Variants in ZMYM4 observed in about 807,000 individuals in gnomAD.
The protein encoded by ZMYM4 is zinc finger MYM-type protein 4.
Under a neutral mutation model 183.2 loss-of-function variants are expected in ZMYM4, and 31 were observed. That is an observed-to-expected ratio of 0.17 (90% CI 0.13 to 0.23). The LOEUF (loss-of-function observed/expected upper bound fraction) is 0.23, where lower values mean the gene tolerates loss of function less well. Ranked by LOEUF, ZMYM4 falls within the 10% of genes least tolerant of loss-of-function variation. The probability of loss-of-function intolerance (pLI) is 1.00; values close to 1 mark genes in which losing one functional copy is unlikely to be tolerated. For missense variants in ZMYM4, 1,273 were observed against 1,840.3 expected, an observed-to-expected ratio of 0.69 and a Z score of 5.64; for synonymous variants, 592 against 631.2, an observed-to-expected ratio of 0.94 and a Z score of 0.93.
At chr1:35,293,167 AT>A (rs968963130) in intron 1 of ZMYM4, among the ~76,000 whole-genome samples, 2 of 150,624 alleles carry the variant, frequency 1.3e-5, no homozygotes, top group African/African-American at 4.9e-5. Flanking sequence ...TGCTCGGCTA[AT>A]TTTTTTTTCT....
At chr1:35,340,446 A>G (rs1479306636) in intron 2 of ZMYM4, among the ~76,000 whole-genome samples, 1 of 151,938 alleles carries the variant, frequency 6.6e-6, no homozygotes, top group Non-Finnish European at 1.5e-5. Context: ...TGTGATATAT[A>G]ATGAAAATAA....
intron 1 of ZMYM4, among the ~76,000 whole-genome samples, chr1:35,301,267 C>G (rs908201414): frequency 6.6e-6 from 1 of 152,104 alleles, no homozygotes; most frequent in Non-Finnish European, 1.5e-5. Context: ...TCCTTCTGGG[C>G]TGAGTGTGGT....
chr1:35,305,661 A>G, intron 1 of ZMYM4, among the ~76,000 whole-genome samples: 1 of 151,956 alleles, frequency 6.6e-6, no homozygotes, highest in East Asian at 1.9e-4. Flanking sequence ...CTCCCATCTC[A>G]GCCTCCCAAG....
At chr1:35,403,575 C>T (rs1399160419) in intron 23 of ZMYM4, among the ~76,000 whole-genome samples, 1 of 152,050 alleles carries the variant, frequency 6.6e-6, no homozygotes, top group Non-Finnish European at 1.5e-5. Context: ...TGTGAGCTGC[C>T]ATGGCTGGCC....
intron 1 of ZMYM4, among the ~76,000 whole-genome samples, chr1:35,275,129 TG>T (rs1639806901): frequency 1.3e-5 from 2 of 152,246 alleles, no homozygotes; most frequent in South Asian, 4.1e-4. Context: ...TCTTAAAATA[TG>T]TATTCACAGC....
In ZMYM4 at chr1:35,381,294, A is replaced by G. The variant is rs1215701109; in HGVS notation, c.1217A>G (p.Gln406Arg). Residue 406 changes from glutamine to arginine, a missense_variant, in exon 8 of 30, where the codon CAG becomes CGG. Gln to Arg is a conservative substitution (Grantham distance 43). This residue lies in a region of ZMYM4 where 319 missense variants were observed against 518.1 expected (regional missense o/e 0.62). Coordinates refer to ENST00000314607, the MANE Select transcript of ZMYM4 (RefSeq NM_005095.3). ...ILNPKDVISA[Q>R]FENTTTSKDF... is the part of the protein sequence containing the mutation. The stretch of plus-strand genomic sequence containing the variant: ...AATCCAAAGGATGTGATCAGTGCCC[A>G]GTTTGAAAACACCACCACTAGTAAA... The G allele has an allele frequency of 6.2e-7, 1 of 1,611,280 alleles. No homozygotes were observed. The highest frequency in any genetic ancestry group is 8.5e-7 in the Non-Finnish European group (1 of 1,178,742).
intron 18 of ZMYM4, among the ~76,000 whole-genome samples, chr1:35,394,896 T>C (rs1333229101): frequency 6.6e-6 from 1 of 152,146 alleles, no homozygotes. Flanking sequence ...GGAGGATCAC[T>C]TGAGCCCAAG....
chr1:35,296,945 G>T (rs1291082729), intron 1 of ZMYM4, among the ~76,000 whole-genome samples: 3 of 148,232 alleles, frequency 2.0e-5, no homozygotes, highest in Non-Finnish European at 4.4e-5. Flanking sequence ...CATCTCCCGG[G>T]TTTAGGCGAT....
intron 15 of ZMYM4, among the ~76,000 whole-genome samples, chr1:35,391,277 C>T (rs1466310242): frequency 2.0e-5 from 3 of 152,236 alleles, no homozygotes; most frequent in African/African-American, 4.8e-5. Flanking sequence ...AGAATGTAGC[C>T]GTGCTCCTGG....
rs187675002 is a variant in ZMYM4 at position 35,319,588 on chromosome 1, A to G, written c.40-5772A>G. Among the ~76,000 whole-genome samples, 1,133 of 152,306 alleles carry G rather than the reference A, an allele frequency of 7.4e-3. 14 individuals carry two copies. Among genetic ancestry groups the G allele is most frequent in the Non-Finnish European group, 0.013 (870 of 68,022 alleles). ...CAGTGAGCCATGATCATGTTACTGCATTCCAGCCTGGGCAACAGAGCAAGA... is the reference window on the plus strand; with the variant it reads ...CAGTGAGCCATGATCATGTTACTGCGTTCCAGCCTGGGCAACAGAGCAAGA... On this transcript the variant is annotated intron_variant, in intron 1 of 29. Coordinates refer to ENST00000314607, the MANE Select transcript of ZMYM4 (RefSeq NM_005095.3).
intron 15 of ZMYM4, among the ~76,000 whole-genome samples, chr1:35,392,000 C>T (rs1644715409): frequency 6.6e-6 from 1 of 151,920 alleles, no homozygotes; most frequent in African/African-American, 2.4e-5. Context: ...GATATCGTGC[C>T]ACTGCACTCC....
chr1:35,380,589 G>A (rs1644435349), intron 7 of ZMYM4, among the ~76,000 whole-genome samples: 1 of 152,142 alleles, frequency 6.6e-6, no homozygotes, highest in Admixed American at 6.5e-5. Flanking sequence ...GCCTCCCAAA[G>A]CGTTGGGATT....
At chr1:35,387,680 C>T in intron 13 of ZMYM4, 76 bp downstream of exon 13, 1 of 1,455,206 alleles carries the variant, frequency 6.9e-7, no homozygotes, top group Non-Finnish European at 9.3e-7. Context: ...TAAGCTTTCA[C>T]TGTCTAAGTT....
chr1:35,268,939 G>A lies in ZMYM4; in HGVS notation c.-108G>A, dbSNP rs1639443078. On this transcript the variant is annotated 5_prime_UTR_variant, in exon 1 of 30. Transcript: ENST00000314607. ...GGCGCAAGGCCCGGCCGGGTCCGGG[G>A]AAGCTGCCGCGAGGCGGCCGTGCCT... The A allele has an allele frequency of 7.9e-7, 1 of 1,263,016 alleles. No homozygotes were observed. The highest frequency in any genetic ancestry group is 1.0e-6 in the Non-Finnish European group (1 of 987,694). 78.2% of individuals were successfully genotyped at this position (1,263,016 alleles called of 1,614,324 possible). A position where few individuals can be genotyped will look rare whatever the true frequency, so the allele number is the denominator to read the frequency against.
intron 2 of ZMYM4, among the ~76,000 whole-genome samples, chr1:35,355,740 C>A (rs1004945072): frequency 6.6e-6 from 1 of 151,882 alleles, no homozygotes; most frequent in South Asian, 2.1e-4. Flanking sequence ...CTTGTCTCTG[C>A]GACTCAAAAA....
chr1:35,281,567 T>G (rs1332380277), intron 1 of ZMYM4, among the ~76,000 whole-genome samples: 1 of 151,882 alleles, frequency 6.6e-6, no homozygotes, highest in African/African-American at 2.4e-5. Context: ...ATTCAGTCAT[T>G]CCACACCGTA....
rs1644666915 is a variant in ZMYM4, at chr1:35,389,855, T to C, written c.2437-93T>C. 1.5e-6 allele frequency: 2 copies of C among 1,344,114 alleles called. No individual in the cohort carries two copies. The highest frequency in any genetic ancestry group is 2.4e-5 in the East Asian group (1 of 41,220). The allele number at this position is 1,344,114 out of a possible 1,614,324, so 83.3% of individuals were successfully genotyped here. A position where few individuals can be genotyped will look rare whatever the true frequency, so the allele number is the denominator to read the frequency against. ...CTAATTTTTTGATCTAAATTCTAAG[T>C]TAATTTCGTCACTTGTTATGTGTGT... On this transcript the variant is annotated intron_variant, in intron 14 of 29. Coordinates refer to ENST00000314607, the MANE Select transcript of ZMYM4 (RefSeq NM_005095.3). This position sits in a 1 kb window ranked among gnomAD's most constrained non-coding sequence, Gnocchi z 4.0.
chr1:35,281,686 A>G (rs1640171058), intron 1 of ZMYM4, among the ~76,000 whole-genome samples: 1 of 151,374 alleles, frequency 6.6e-6, no homozygotes, highest in Non-Finnish European at 1.5e-5. Flanking sequence ...ATATAATATA[A>G]CATTTACCAT....
intron 20 of ZMYM4, 86 bp from the exon 21 acceptor site, chr1:35,398,327 A>T: frequency 8.9e-7 from 1 of 1,122,564 alleles, no homozygotes; most frequent in Non-Finnish European, 1.3e-6. Context: ...TTGTAGTATG[A>T]TTGATGTATA....
Sources: gnomAD v4.1 joint callset for allele counts (sites outside exome capture counted in the v4.1 genomes callset) on GRCh38, gnomAD v4.1.1 for gene constraint, gnomAD v4.1.1 regional missense constraint, Gnocchi (gnomAD v3.1) non-coding constraint, MANE v1.5 for transcripts, NCBI Gene and HGNC (gene_info 2026-07-23, HGNC 2026-07-21) for gene names.